The following AIG1 variants were observed in gnomAD, a reference collection of about 807,000 sequenced individuals.
AIG1 encodes androgen-induced gene 1 protein.
A neutral mutation model predicts 31.4 loss-of-function variants in AIG1; 23 were observed. The observed-to-expected ratio is 0.73, with a 90% CI of 0.53 to 1.04. AIG1 has a LOEUF of 1.04. Ranked by LOEUF, AIG1 falls within the 50% of genes least tolerant of loss-of-function variation. The pLI is 0.00. For synonymous variants in AIG1, 100 were observed against 110.5 expected (o/e 0.90, Z 0.60); for missense variants, 274 against 295.0 (o/e 0.93, Z 0.52).
At position 143,196,393 on chromosome 6, in the gene AIG1, ACACC is replaced by A. The variant is rs1367477483; in HGVS notation, c.399+31212_399+31215del. Among the ~76,000 whole-genome samples the A allele has an allele frequency of 1.0e-3, 142 of 139,360 alleles. 1 individual carries two copies. Among genetic ancestry groups the A allele is most frequent in the Admixed American group, 9.3e-3 (129 of 13,814 alleles). The allele number at this position is 139,360 out of a possible 152,430, so 91.4% of individuals were successfully genotyped here. ...CACACACACACACACACACACACAC[ACACC>A]CCAATTTGATAAGTTGGAAAACTGG... On this transcript the variant is annotated intron_variant, in intron 3 of 5. Transcript: ENST00000357847.
intron 4 of AIG1, among the ~76,000 whole-genome samples, chr6:143,302,630 G>T (rs1798913010): frequency 6.6e-6 from 1 of 152,068 alleles, no homozygotes; most frequent in African/African-American, 2.4e-5. Flanking sequence ...ATCATTGTTG[G>T]ACATTTGGGT....
At chr6:143,244,699 G>A (rs1248373937) in intron 3 of AIG1, among the ~76,000 whole-genome samples, 1 of 152,220 alleles carries the variant, frequency 6.6e-6, no homozygotes, top group Non-Finnish European at 1.5e-5. Flanking sequence ...TGATTTAACT[G>A]CAAAGAGGTG....
chr6:143,120,515 T>A (rs1583239766), intron 1 of AIG1, among the ~76,000 whole-genome samples: 1 of 151,096 alleles, frequency 6.6e-6, no homozygotes, highest in Non-Finnish European at 1.5e-5. Flanking sequence ...GGGAAGAGAG[T>A]GTGTGCAGGG....
At chr6:143,209,491 A>G (rs1791421350) in intron 3 of AIG1, among the ~76,000 whole-genome samples, 2 of 152,206 alleles carry the variant, frequency 1.3e-5, no homozygotes, top group Non-Finnish European at 2.9e-5. Flanking sequence ...GAGGCAGAAG[A>G]GTCAATGTCA....
chr6:143,246,280 A>G (rs1583613725), intron 3 of AIG1, among the ~76,000 whole-genome samples: 1 of 152,178 alleles, frequency 6.6e-6, no homozygotes, highest in East Asian at 1.9e-4. Context: ...ACAAAAAAAA[A>G]AAAGAGGTTT....
chr6:143,122,744 C>T (rs979476952), intron 1 of AIG1, among the ~76,000 whole-genome samples: 8 of 152,124 alleles, frequency 5.3e-5, no homozygotes, highest in Non-Finnish European at 1.0e-4. Flanking sequence ...AGCTTACTAC[C>T]ATGGCCACCC....
intron 1 of AIG1, among the ~76,000 whole-genome samples, chr6:143,123,474 G>A (rs1364934212): frequency 6.6e-6 from 1 of 152,096 alleles, no homozygotes; most frequent in Non-Finnish European, 1.5e-5. Flanking sequence ...TTTACTATAT[G>A]TGGATTCCTG....
intron 3 of AIG1, among the ~76,000 whole-genome samples, chr6:143,263,595 C>T (rs530277720): frequency 1.3e-3 from 193 of 152,266 alleles, no homozygotes; most frequent in African/African-American, 4.5e-3. Flanking sequence ...AAAGATCACT[C>T]ATGGTTCTTC....
intron 1 of AIG1, among the ~76,000 whole-genome samples, chr6:143,070,698 A>G (rs1364835791): frequency 6.6e-6 from 1 of 152,216 alleles, no homozygotes; most frequent in African/African-American, 2.4e-5. Flanking sequence ...CACTCTTGTG[A>G]TAACTAACTC....
At chr6:143,278,343 C>T (rs1797089043) in intron 3 of AIG1, among the ~76,000 whole-genome samples, 1 of 151,962 alleles carries the variant, frequency 6.6e-6, no homozygotes, top group Non-Finnish European at 1.5e-5. Context: ...AGCACGGGGA[C>T]GTGACATTAA....
In AIG1 at chr6:143,291,903, A is replaced by G. The variant is rs969491075; in HGVS notation, c.515+7678A>G. Among the ~76,000 whole-genome samples the G allele has an allele frequency of 6.6e-6, 1 of 152,204 alleles. No individual in the cohort carries two copies. The highest frequency in any genetic ancestry group is 1.5e-5 in the Non-Finnish European group (1 of 68,046). On this transcript the variant is annotated intron_variant, in intron 4 of 5. Coordinates refer to ENST00000357847, the MANE Select transcript of AIG1 (RefSeq NM_016108.4). The surrounding 1 kb of genome is among the most constrained non-coding windows in gnomAD (Gnocchi z 4.2). ...AGGTTTGGACAGAGACTTGACATGA[A>G]CTGAGACATTTCTAAGGAATCACTT...
In AIG1 at chr6:143,330,972, C is replaced by A. The variant is rs1024501130; in HGVS notation, c.516-2310C>A. On this transcript the variant is annotated intron_variant, in intron 4 of 5. Transcript: ENST00000357847. This position sits in a 1 kb window ranked among gnomAD's most constrained non-coding sequence, Gnocchi z 4.4. ...GATTCTCACAACTGCTTCAGCTTTT[C>A]TAACAGAATCTTTGGACTAACATGG... is the stretch of plus-strand genomic sequence containing the variant. Among the ~76,000 whole-genome samples, 3 of 152,172 alleles carry A rather than the reference C, an allele frequency of 2.0e-5. No individual in the cohort carries two copies. The highest frequency in any genetic ancestry group is 7.2e-5 in the African/African-American group (3 of 41,444).
intron 2 of AIG1, among the ~76,000 whole-genome samples, chr6:143,162,605 G>A (rs1033380042): frequency 5.3e-5 from 8 of 152,176 alleles, no homozygotes; most frequent in African/African-American, 1.4e-4. Context: ...ATTAGGTTAT[G>A]TTATATGGCA....
At chr6:143,066,562 C>G in intron 1 of AIG1, among the ~76,000 whole-genome samples, 1 of 152,004 alleles carries the variant, frequency 6.6e-6, no homozygotes, top group East Asian at 1.9e-4. Context: ...TGTGAGCCAC[C>G]GCGCCTGGCC....
At chr6:143,072,428 T>C (rs1475419857) in intron 1 of AIG1, among the ~76,000 whole-genome samples, 1 of 152,198 alleles carries the variant, frequency 6.6e-6, no homozygotes, top group East Asian at 1.9e-4. Flanking sequence ...TTCCTTTTTA[T>C]GGTTTATTGC....
intron 4 of AIG1, among the ~76,000 whole-genome samples, chr6:143,309,463 T>C (rs953438055): frequency 1.3e-5 from 2 of 151,878 alleles, no homozygotes; most frequent in African/African-American, 4.8e-5. Context: ...GATTATAGTA[T>C]AGAAAAATTA....
intron 3 of AIG1, among the ~76,000 whole-genome samples, chr6:143,203,563 A>C (rs551403311): frequency 1.2e-4 from 18 of 152,328 alleles, no homozygotes; most frequent in Non-Finnish European, 2.1e-4. Context: ...TCTTACCTAG[A>C]CTGTGCCCTC....
chr6:143,088,557 G>T (rs2128474165), intron 1 of AIG1, among the ~76,000 whole-genome samples: 1 of 152,314 alleles, frequency 6.6e-6, no homozygotes, highest in South Asian at 2.1e-4. Context: ...GGGGACTGGA[G>T]AGTATCACTT....
rs986233120 is a variant in AIG1 at position 143,069,636 on chromosome 6, G to T, written c.141+8570G>T. On this transcript the variant is annotated intron_variant, in intron 1 of 5. Transcript: ENST00000357847. Reference sequence around the variant, plus strand: ...TATATTCATGTTCTTTGTGAAGTTTGCCCATTTAAAAAATACTGGGTTGTT... The same window carrying T: ...TATATTCATGTTCTTTGTGAAGTTTTCCCATTTAAAAAATACTGGGTTGTT... Among the ~76,000 whole-genome samples, 4 of 152,188 alleles carry T rather than the reference G, an allele frequency of 2.6e-5. No individual in the cohort carries two copies. In the East Asian group the frequency reaches 7.7e-4, roughly 29 times the overall value.
Sources: gnomAD v4.1 joint callset for allele counts (sites outside exome capture counted in the v4.1 genomes callset) on GRCh38, gnomAD v4.1.1 for gene constraint, Gnocchi (gnomAD v3.1) non-coding constraint, MANE v1.5 for transcripts, NCBI Gene and HGNC (gene_info 2026-07-23, HGNC 2026-07-21) for gene names.